The following GHR variants were observed in gnomAD, a reference collection of about 807,000 sequenced individuals.
The protein encoded by GHR is GH receptor.
In GHR, 35 loss-of-function variants were observed where a neutral mutation model predicts 67.1. The observed-to-expected ratio is 0.52, with a 90% CI of 0.40 to 0.69. GHR has a LOEUF of 0.69. Among genes scored for constraint, GHR ranks in the 30% least tolerant of loss-of-function variants. The pLI, the probability that GHR is intolerant of heterozygous loss-of-function variation, is 0.00. For missense variants in GHR, 792 were observed against 764.6 expected, an observed-to-expected ratio of 1.04 and a Z score of -0.42; for synonymous variants, 272 against 269.1, an observed-to-expected ratio of 1.01 and a Z score of -0.10.
At chr5:42,714,448 A>G (rs749340911) in intron 8 of GHR, among the ~76,000 whole-genome samples, 3 of 152,188 alleles carry the variant, frequency 2.0e-5, no homozygotes, top group Non-Finnish European at 2.9e-5. Flanking sequence ...CTATGTTAAT[A>G]TATTTTAAAA....
chr5:42,682,984 C>A (rs1046161884), intron 3 of GHR, among the ~76,000 whole-genome samples: 2 of 151,642 alleles, frequency 1.3e-5, no homozygotes. Context: ...GGATTCAGTT[C>A]CTCAAAGGTT....
At chr5:42,628,055 A>C (rs1753792242) in intron 2 of GHR, among the ~76,000 whole-genome samples, 1 of 151,178 alleles carries the variant, frequency 6.6e-6, no homozygotes, top group African/African-American at 2.4e-5. Context: ...CTCTTCTCCA[A>C]CCTCCCCCAG....
intron 4 of GHR, among the ~76,000 whole-genome samples, chr5:42,693,136 A>G (rs1757499231): frequency 8.8e-6 from 1 of 113,108 alleles, no homozygotes; most frequent in East Asian, 3.4e-4. Flanking sequence ...ATTCAAGCAT[A>G]TGCAACTTTT....
intron 1 of GHR, chr5:42,467,791 A>T: frequency 6.7e-7 from 1 of 1,483,554 alleles, no homozygotes; most frequent in South Asian, 1.2e-5. Context: ...TTTCCCACAC[A>T]TGCTACAATG....
chr5:42,536,127 C>T (rs1381373707), intron 1 of GHR, among the ~76,000 whole-genome samples: 1 of 152,054 alleles, frequency 6.6e-6, no homozygotes, highest in East Asian at 1.9e-4. Context: ...AGTTTGACTT[C>T]CTTTTTACCA....
At chr5:42,544,551 C>T (rs561302660) in intron 1 of GHR, among the ~76,000 whole-genome samples, 1 of 152,222 alleles carries the variant, frequency 6.6e-6, no homozygotes, top group African/African-American at 2.4e-5. Flanking sequence ...ATGGAAATAA[C>T]AAACCAAATT....
chr5:42,568,331 CTCTCATCCTTAATATGAAGT>C (rs1185639777), intron 2 of GHR, among the ~76,000 whole-genome samples: 13 of 152,272 alleles, frequency 8.5e-5, no homozygotes, highest in Middle Eastern at 3.4e-3. Flanking sequence ...TGTTTTCTGT[CTCTCATCCTTAATATGAAGT>C]TCTCATCCTT....
At chr5:42,590,387 A>G (rs1744678057) in intron 2 of GHR, among the ~76,000 whole-genome samples, 1 of 152,248 alleles carries the variant, frequency 6.6e-6, no homozygotes, top group South Asian at 2.1e-4. Flanking sequence ...ATTTTTTTAA[A>G]CTAGTGTTTT....
intron 1 of GHR, among the ~76,000 whole-genome samples, chr5:42,459,561 T>C (rs898018402): frequency 6.6e-5 from 10 of 152,120 alleles, no homozygotes; most frequent in African/African-American, 2.2e-4. Context: ...ACCTATCAGA[T>C]ACTATGCTTA....
intron 3 of GHR, among the ~76,000 whole-genome samples, chr5:42,676,291 A>G (rs73097920): frequency 0.09 from 13,709 of 152,194 alleles, 769 homozygotes; most frequent in Middle Eastern, 0.14. Context: ...ATAAAAAAAA[A>G]AGGAAGAAAT....
chr5:42,527,641 A>G (rs1747768495), intron 1 of GHR, among the ~76,000 whole-genome samples: 1 of 152,212 alleles, frequency 6.6e-6, no homozygotes. Flanking sequence ...TGACAGTATT[A>G]GATCATCAAG....
intron 1 of GHR, among the ~76,000 whole-genome samples, chr5:42,516,982 G>GA (rs1747265874): frequency 6.6e-6 from 1 of 151,406 alleles, no homozygotes; most frequent in Non-Finnish European, 1.5e-5. Context: ...TTTAGGGGGA[G>GA]AAAAAACTTA....
rs2112198097 is a variant in GHR, at chr5:42,492,149, T to C, written c.-12+68194T>C. Among the ~76,000 whole-genome samples the C allele has an allele frequency of 1.3e-5, 2 of 152,314 alleles. 1 individual carries two copies. The highest frequency in any genetic ancestry group is 1.3e-4 in the Admixed American group (2 of 15,300). On this transcript the variant is annotated intron_variant, in intron 1 of 9. Transcript: ENST00000230882. ...ATGGTATTACTTTTATGTCTGCGTG[T>C]GTATTGCCACCATGAAGCCTATAGT...
At chr5:42,696,705 G>A (rs371821895) in intron 5 of GHR, among the ~76,000 whole-genome samples, 2 of 152,148 alleles carry the variant, frequency 1.3e-5, no homozygotes, top group South Asian at 2.1e-4. Flanking sequence ...TAACTGTCAC[G>A]AGGTACCTTT....
chr5:42,534,108 A>T (rs906985856), intron 1 of GHR, among the ~76,000 whole-genome samples: 4 of 148,628 alleles, frequency 2.7e-5, no homozygotes. Flanking sequence ...ATATGTACGT[A>T]TGTATATATG....
At chr5:42,660,842 A>T (rs1031474493) in intron 3 of GHR, among the ~76,000 whole-genome samples, 2 of 152,234 alleles carry the variant, frequency 1.3e-5, no homozygotes, top group African/African-American at 4.8e-5. Flanking sequence ...CCAAAGGCAA[A>T]GAAGTTGAAA....
At chr5:42,494,782 A>G (rs909795602) in intron 1 of GHR, among the ~76,000 whole-genome samples, 1 of 152,096 alleles carries the variant, frequency 6.6e-6, no homozygotes, top group Non-Finnish European at 1.5e-5. Context: ...GAAATGTTGA[A>G]TTTTTATTTC....
At position 42,719,651 on chromosome 5, in the gene GHR, T is replaced by C; in HGVS notation, c.*227T>C. 2 of 533,532 alleles carry C rather than the reference T, an allele frequency of 3.7e-6. No individual in the cohort carries two copies. The highest frequency in any genetic ancestry group is 6.8e-6 in the Non-Finnish European group (2 of 294,440). The allele number at this position is 533,532 out of a possible 1,614,324, so 33.0% of individuals were successfully genotyped here. A position where few individuals can be genotyped will look rare whatever the true frequency, so the allele number is the denominator to read the frequency against. The stretch of plus-strand genomic sequence containing the variant: ...GTGCAATGTAAATATTTTAAAGAAT[T>C]GTGTCAGACTGTTTAGTAGCAGTGA... On this transcript the variant is annotated 3_prime_UTR_variant, in exon 10 of 10. Transcript: ENST00000230882.
At chr5:42,525,822 G>T (rs949668312) in intron 1 of GHR, among the ~76,000 whole-genome samples, 2 of 152,154 alleles carry the variant, frequency 1.3e-5, no homozygotes, top group Non-Finnish European at 2.9e-5. Context: ...AGAGGTTTCT[G>T]CTTTCGCTTC....
Sources: gnomAD v4.1 joint callset for allele counts (sites outside exome capture counted in the v4.1 genomes callset) on GRCh38, gnomAD v4.1.1 for gene constraint, MANE v1.5 for transcripts, NCBI Gene and HGNC (gene_info 2026-07-23, HGNC 2026-07-21) for gene names.